OSBPL5: variants seen among roughly 807,000 people sequenced by gnomAD.
OSBPL5 encodes the protein oxysterol binding protein like 5, also known as oxysterol-binding protein-related protein 5.
Under a neutral mutation model 111.2 loss-of-function variants are expected in OSBPL5, and 71 were observed. The observed-to-expected ratio is 0.64, with a 90% CI of 0.53 to 0.78. OSBPL5 has a LOEUF of 0.78. Among genes scored for constraint, OSBPL5 ranks in the 30% least tolerant of loss-of-function variants. The pLI is 0.00. For missense variants in OSBPL5, 1,210 were observed against 1,189.3 expected (o/e 1.02, Z -0.26); for synonymous variants, 549 against 513.9 (o/e 1.07, Z -0.93).
rs1163020622 is a variant in OSBPL5, at chr11:3,092,975, T to C, written c.2024A>G (p.Glu675Gly). The C allele has an allele frequency of 1.2e-6, 2 of 1,603,122 alleles. No individual in the cohort carries two copies. Among genetic ancestry groups the C allele is most frequent in the South Asian group, 2.3e-5 (2 of 88,432 alleles). The change falls in exon 18 of 22, where the codon GAG becomes GGG. Residue 675 changes from glutamate (E) to glycine (G), a missense_variant. Glu to Gly is a moderately conservative substitution (Grantham distance 98). Coordinates refer to ENST00000263650, the MANE Select transcript of OSBPL5 (RefSeq NM_020896.4). The surrounding 1 kb of genome is among the most constrained non-coding windows in gnomAD (Gnocchi z 5.4). ...RATQEKFALE[E>G]AQRQRARERQ... ...CTCACGGGCCCGCTGCCGCTGTGCC[T>C]CCTCCAGTGCAAACTTCTCCTGTGT...
intron 1 of OSBPL5, among the ~76,000 whole-genome samples, chr11:3,157,724 C>T (rs1432510670): frequency 6.6e-6 from 1 of 152,248 alleles, no homozygotes; most frequent in Non-Finnish European, 1.5e-5. Flanking sequence ...CTCCTCTGCT[C>T]ACAACAATCA....
At chr11:3,098,977 A>C (rs996270174) in intron 14 of OSBPL5, among the ~76,000 whole-genome samples, 3 of 151,282 alleles carry the variant, frequency 2.0e-5, no homozygotes, top group Non-Finnish European at 4.4e-5. Context: ...GTTTTTTGGT[A>C]CTTTTTGTAG....
chr11:3,093,567 T>C lies in OSBPL5; in HGVS notation c.1906A>G (p.Thr636Ala), dbSNP rs1021408824. The C allele has an allele frequency of 6.2e-7, 1 of 1,611,980 alleles. No individual in the cohort carries two copies. Among genetic ancestry groups the C allele is most frequent in the Non-Finnish European group, 8.5e-7 (1 of 1,179,968 alleles). ...EVRRQRLRQH[T>A]VPLEEQTELE... Reference sequence around the variant, plus strand: ...TCCGTCTGCTCCTCCAGCGGCACCGTGTGCTGCCTCAGCCTCTGTCTGCGG... The same window carrying C: ...TCCGTCTGCTCCTCCAGCGGCACCGCGTGCTGCCTCAGCCTCTGTCTGCGG... Residue 636 changes from threonine to alanine, a missense_variant, in exon 17 of 22, where the codon ACG becomes GCG. Coordinates refer to ENST00000263650, the MANE Select transcript of OSBPL5 (RefSeq NM_020896.4).
chr11:3,133,384 T>C (rs1381536364), intron 1 of OSBPL5, among the ~76,000 whole-genome samples: 1 of 152,168 alleles, frequency 6.6e-6, no homozygotes, highest in African/African-American at 2.4e-5. Flanking sequence ...CCACTCAAAC[T>C]GGGAAATGCA....
rs765970114 is a variant in OSBPL5, at chr11:3,104,019, G to A, written c.1244+174C>T. ...ACCACGGATGGCTGGCTCCTCCCAG[G>A]CCCATCTTGGAGACAGGGCCCCCTG... On this transcript the variant is annotated intron_variant, in intron 10 of 21. Coordinates refer to ENST00000263650, the MANE Select transcript of OSBPL5 (RefSeq NM_020896.4). This position sits in a 1 kb window ranked among gnomAD's most constrained non-coding sequence, Gnocchi z 5.0. Among the ~76,000 whole-genome samples the A allele has an allele frequency of 6.6e-6, 1 of 152,180 alleles. No individual in the cohort carries two copies. The highest frequency in any genetic ancestry group is 1.5e-5 in the Non-Finnish European group (1 of 68,024).
intron 1 of OSBPL5, among the ~76,000 whole-genome samples, chr11:3,147,798 G>A (rs1003744609): frequency 1.3e-5 from 2 of 152,202 alleles, no homozygotes; most frequent in African/African-American, 2.4e-5. Flanking sequence ...CATGAAAGGC[G>A]CTGGGGAGGA....
chr11:3,096,491 C>A (rs1024456695), intron 14 of OSBPL5, among the ~76,000 whole-genome samples: 3 of 151,720 alleles, frequency 2.0e-5, no homozygotes, highest in Non-Finnish European at 2.9e-5. Flanking sequence ...TGGTGGCGCA[C>A]GCATGTAATG....
At position 3,122,367 on chromosome 11, in the gene OSBPL5, G is replaced by C; in HGVS notation, c.281C>G (p.Thr94Ser). ...GCTCACCTTGAGAGTCTCCTTCTTG[G>C]TGACCCTGGCGGTGGGGGACACACA... Reference protein sequence around the residue: ...KECVSPTARVTKKETLKAQKE... With the variant: ...KECVSPTARVSKKETLKAQKE... Residue 94 changes from threonine (T) to serine (S), a missense_variant, in exon 4 of 22, where the codon ACC becomes AGC. Coordinates refer to ENST00000263650, the MANE Select transcript of OSBPL5 (RefSeq NM_020896.4). The C allele has an allele frequency of 1.9e-6, 3 of 1,613,848 alleles. No homozygotes were observed. The highest frequency in any genetic ancestry group is 2.5e-6 in the Non-Finnish European group (3 of 1,179,960).
chr11:3,131,852 C>G (rs1361638603), intron 1 of OSBPL5, among the ~76,000 whole-genome samples: 1 of 47,184 alleles, frequency 2.1e-5, no homozygotes, highest in African/African-American at 1.1e-4. Flanking sequence ...CATCCACCCA[C>G]CAAACCATCC....
In OSBPL5 at chr11:3,146,357, A is replaced by C. The variant is rs2134526411; in HGVS notation, c.-21-17188T>G. ...CCGGGGGAGGTGAGGGCAGACGAGGAGGGGAACTCACGGGAAGGTAGGAAA... is the reference window on the plus strand; with the variant it reads ...CCGGGGGAGGTGAGGGCAGACGAGGCGGGGAACTCACGGGAAGGTAGGAAA... On this transcript the variant is annotated intron_variant, in intron 1 of 21. Coordinates refer to ENST00000263650, the MANE Select transcript of OSBPL5 (RefSeq NM_020896.4). This position sits in a 1 kb window ranked among gnomAD's most constrained non-coding sequence, Gnocchi z 7.8. 6.6e-6 allele frequency: 1 copy of C among 152,384 alleles called. No homozygotes were observed. The highest frequency in any genetic ancestry group is 2.1e-4 in the South Asian group (1 of 4,822). 9.4% of individuals were successfully genotyped at this position (152,384 alleles called of 1,614,324 possible). A position where few individuals can be genotyped will look rare whatever the true frequency, so the allele number is the denominator to read the frequency against.
In OSBPL5 at chr11:3,163,528, G is replaced by GT. The variant is rs962845390; in HGVS notation, c.-22+1687dup. Among the ~76,000 whole-genome samples the GT allele has an allele frequency of 4.0e-5, 6 of 149,500 alleles. No homozygotes were observed. In the Admixed American group the frequency reaches 4.0e-4, roughly 10 times the overall value. On this transcript the variant is annotated intron_variant, in intron 1 of 21. Transcript: ENST00000263650. ...AAATACAATCCTGGGTAGGGGTTGG[G>GT]TGGGGGGGGCGGTCTTGCGTTGGTA...
chr11:3,123,030 T>C (rs7103130), intron 3 of OSBPL5, among the ~76,000 whole-genome samples: 130,282 of 152,272 alleles, frequency 0.86, 56,525 homozygotes, highest in African/African-American at 0.96. Context: ...GCAGGGCCAA[T>C]GTACTGGTGG....
At chr11:3,088,433 C>A in intron 21 of OSBPL5, 90 bp from the exon 22 acceptor site, 1 of 1,342,890 alleles carries the variant, frequency 7.4e-7, no homozygotes, top group Non-Finnish European at 9.6e-7. Context: ...GGTACTTGAC[C>A]AGGTGCTGGA....
Position 3,107,533 on chromosome 11 carries a change from C to A in OSBPL5, c.867-78G>T. Reference sequence around the variant, plus strand: ...AGCCCTCTGGGCTGCCCACCCCTCGCTGCTCCGCACTTCACATACGTTCCT... The same window carrying A: ...AGCCCTCTGGGCTGCCCACCCCTCGATGCTCCGCACTTCACATACGTTCCT... On this transcript the variant is annotated intron_variant, in intron 8 of 21. Transcript: ENST00000263650. This position sits in a 1 kb window ranked among gnomAD's most constrained non-coding sequence, Gnocchi z 6.1. The A allele has an allele frequency of 6.7e-7, 1 of 1,502,732 alleles. No homozygotes were observed. The highest frequency in any genetic ancestry group is 1.2e-5 in the South Asian group (1 of 84,524). The allele number at this position is 1,502,732 out of a possible 1,614,324, so 93.1% of individuals were successfully genotyped here. A position where few individuals can be genotyped will look rare whatever the true frequency, so the allele number is the denominator to read the frequency against.
chr11:3,133,377 C>G (rs1024455658), intron 1 of OSBPL5, among the ~76,000 whole-genome samples: 1 of 152,252 alleles, frequency 6.6e-6, no homozygotes, highest in Non-Finnish European at 1.5e-5. Flanking sequence ...TGGGATCCCA[C>G]TCAAACTGGG....
rs1304408156 is a variant in OSBPL5 at position 3,107,786 on chromosome 11, T to G, written c.851A>C (p.Asp284Ala). The change falls in exon 8 of 22, where the codon GAC (aspartate) becomes GCC (alanine). Residue 284 changes from aspartate (D) to alanine (A), a missense_variant. Asp to Ala is a moderately radical substitution (Grantham distance 126). Transcript: ENST00000263650. This position sits in a 1 kb window ranked among gnomAD's most constrained non-coding sequence, Gnocchi z 6.1. Reference sequence around the variant, plus strand: ...CCCCACTCACGGGAACAGGTCTTGGTCTGGGTGGACGGTGGCTGAGGCTGG... The same window carrying G: ...CCCCACTCACGGGAACAGGTCTTGGGCTGGGTGGACGGTGGCTGAGGCTGG... ...GLPASATVHP[D>A]QDLFPLNGSS... The G allele has an allele frequency of 6.2e-7, 1 of 1,612,242 alleles. No homozygotes were observed. Among genetic ancestry groups the G allele is most frequent in the Non-Finnish European group, 8.5e-7 (1 of 1,179,934 alleles).
chr11:3,121,093 G>C lies in OSBPL5; in HGVS notation c.403-469C>G, dbSNP rs935414114. On this transcript the variant is annotated intron_variant, in intron 5 of 21. Transcript: ENST00000263650. This position sits in a 1 kb window ranked among gnomAD's most constrained non-coding sequence, Gnocchi z 4.3. Reference sequence around the variant, plus strand: ...TTTTTTTTTTTGAGACAGAGTCTCTGTTGCCCAGGCTGGAGGTGCAGTGGT... The same window carrying C: ...TTTTTTTTTTTGAGACAGAGTCTCTCTTGCCCAGGCTGGAGGTGCAGTGGT... Among the ~76,000 whole-genome samples the C allele has an allele frequency of 2.9e-5, 4 of 137,634 alleles. No individual in the cohort carries two copies. The highest frequency in any genetic ancestry group is 6.1e-5 in the Non-Finnish European group (4 of 65,460). 90.3% of individuals were successfully genotyped at this position (137,634 alleles called of 152,430 possible).
In OSBPL5 at chr11:3,113,259, T is replaced by C. The variant is rs1204311331; in HGVS notation, c.692-5314A>G. On this transcript the variant is annotated intron_variant, in intron 7 of 21. Transcript: ENST00000263650. This position sits in a 1 kb window ranked among gnomAD's most constrained non-coding sequence, Gnocchi z 4.8. Reference sequence around the variant, plus strand: ...TAAGAATTGCCAGCATATATTTTTGTTTGCATTTATTAATCAAGCAATTTC... The same window carrying C: ...TAAGAATTGCCAGCATATATTTTTGCTTGCATTTATTAATCAAGCAATTTC... Among the ~76,000 whole-genome samples, 1 of 152,378 alleles carries C rather than the reference T, an allele frequency of 6.6e-6. No individual in the cohort carries two copies. The highest frequency in any genetic ancestry group is 1.9e-4 in the East Asian group (1 of 5,192).
intron 1 of OSBPL5, among the ~76,000 whole-genome samples, chr11:3,158,854 G>A (rs1175896924): frequency 6.6e-6 from 1 of 152,210 alleles, no homozygotes; most frequent in African/African-American, 2.4e-5. Context: ...CAGGGCCTCG[G>A]GAGTGAAGAG....
Sources: allele counts gnomAD v4.1 joint callset (sites outside exome capture counted in the v4.1 genomes callset), GRCh38; gene constraint gnomAD v4.1.1; non-coding constraint Gnocchi (gnomAD v3.1); transcripts MANE v1.5; gene names NCBI Gene and HGNC (gene_info 2026-07-23, HGNC 2026-07-21).